NT5DC3: variants seen among roughly 807,000 people sequenced by gnomAD.
The protein encoded by NT5DC3 is 5'-nucleotidase domain containing 3.
Under a neutral mutation model 67.8 loss-of-function variants are expected in NT5DC3, and 42 were observed. That is an observed-to-expected ratio of 0.62 (90% CI 0.48 to 0.80). The LOEUF is 0.80. Among genes scored for constraint, NT5DC3 ranks in the 30% least tolerant of loss-of-function variants. NT5DC3 has a pLI of 0.00. For synonymous variants in NT5DC3, 237 were observed against 255.6 expected, an observed-to-expected ratio of 0.93 and a Z score of 0.69; for missense variants, 570 against 696.4, an observed-to-expected ratio of 0.82 and a Z score of 2.04.
At chr12:103,816,612 G>A (rs747721951) in intron 1 of NT5DC3, among the ~76,000 whole-genome samples, 4 of 152,010 alleles carry the variant, frequency 2.6e-5, no homozygotes, top group Non-Finnish European at 5.9e-5. Flanking sequence ...TTTTTTCTTG[G>A]AAGCCTTTCA....
chr12:103,746,837 G>A, the NT5DC3 span: 1 of 790,826 alleles, frequency 1.3e-6, no homozygotes, highest in Non-Finnish European at 2.1e-6. Context: ...CCCTCTCTAT[G>A]ACTCAGTTTC....
At chr12:103,814,811 C>A in intron 2 of NT5DC3, 126 bp downstream of exon 2, 1 of 647,784 alleles carries the variant, frequency 1.5e-6, no homozygotes, top group East Asian at 2.9e-5. Flanking sequence ...GGAACAAAAT[C>A]TACTTATTCA....
the NT5DC3 span, among the ~76,000 whole-genome samples, chr12:103,756,865 C>A: frequency 0.019 from 2,860 of 151,968 alleles, 99 homozygotes; most frequent in African/African-American, 0.065. Flanking sequence ...GAGATGAACA[C>A]CCACACTAAT....
chr12:103,814,606 T>C (rs576223498), intron 2 of NT5DC3, among the ~76,000 whole-genome samples: 1 of 152,240 alleles, frequency 6.6e-6, no homozygotes, highest in Non-Finnish European at 1.5e-5. Context: ...GAATTCCTCC[T>C]AACCAGAATT....
chr12:103,783,979 G>T (rs7311554), intron 12 of NT5DC3, among the ~76,000 whole-genome samples: 2,241 of 152,126 alleles, frequency 0.015, 52 homozygotes, highest in African/African-American at 0.051. Flanking sequence ...ATGGACTTGG[G>T]GACTTGGTTC....
chr12:103,759,079 A>G, the NT5DC3 span: 1 of 1,613,680 alleles, frequency 6.2e-7, no homozygotes, highest in African/African-American at 1.3e-5. Flanking sequence ...CATTAAAAAG[A>G]CAAAATATTG....
chr12:103,832,542 C>T (rs1887977820), intron 1 of NT5DC3, among the ~76,000 whole-genome samples: 1 of 152,030 alleles, frequency 6.6e-6, no homozygotes, highest in Non-Finnish European at 1.5e-5. Context: ...CCTTTCACTT[C>T]CTCTTTACCC....
chr12:103,757,823 G>C, the NT5DC3 span: 9 of 262,652 alleles, frequency 3.4e-5, no homozygotes, highest in Non-Finnish European at 6.8e-5. Context: ...TTTGGGCCTC[G>C]TGAGCTGTTA....
In NT5DC3 at chr12:103,788,898, C is replaced by G. The variant is rs1475421444; in HGVS notation, c.1041G>C (p.Glu347Asp). Residue 347 changes from glutamate (E) to aspartate (D), a missense_variant, in exon 10 of 14, where the codon GAG (glutamate) becomes GAC (aspartate). Glu to Asp is a conservative substitution (Grantham distance 45). Around this residue, in one of 2 missense-constraint regions of NT5DC3, gnomAD observed 466 missense variants for 608.0 expected, o/e 0.77. Coordinates refer to ENST00000392876, the MANE Select transcript of NT5DC3 (RefSeq NM_001031701.3). ...DKRRPFRKMNEKGVLLWDKIH... is the reference protein window; with the variant it reads ...DKRRPFRKMNDKGVLLWDKIH... Reference sequence around the variant, plus strand: ...TTTTATCCCAGAGTAAGACACCTTTCTCATTCATCTTTCGGAAAGGCCTAA... The same window carrying G: ...TTTTATCCCAGAGTAAGACACCTTTGTCATTCATCTTTCGGAAAGGCCTAA... 1 of 1,613,004 alleles carries G rather than the reference C, an allele frequency of 6.2e-7. No homozygotes were observed. The highest frequency in any genetic ancestry group is 1.3e-5 in the African/African-American group (1 of 74,996).
At chr12:103,759,071 T>C in the NT5DC3 span, 2 of 1,613,314 alleles carry the variant, frequency 1.2e-6, no homozygotes, top group Non-Finnish European at 8.5e-7. Context: ...ATCCCCATCA[T>C]TAAAAAGACA....
intron 1 of NT5DC3, among the ~76,000 whole-genome samples, chr12:103,833,717 A>G (rs1888026448): frequency 8.3e-6 from 1 of 119,806 alleles, no homozygotes; most frequent in Admixed American, 8.1e-5. Context: ...ATTAATTCTA[A>G]TGAAAAAAAA....
rs3751205 is a variant in NT5DC3, at chr12:103,777,493, C to G, written c.*336G>C. On this transcript the variant is annotated 3_prime_UTR_variant, in exon 14 of 14. Coordinates refer to ENST00000392876, the MANE Select transcript of NT5DC3 (RefSeq NM_001031701.3). The stretch of plus-strand genomic sequence containing the variant: ...AATGTTCCATGGAGGAGTCAAGAAC[C>G]GTTTCAAGCTTGACCTGCTAGAATA... 0.48 allele frequency: 134,805 copies of G among 278,274 alleles called. 35,274 individuals carry two copies. The highest frequency in any genetic ancestry group is 0.88 in the East Asian group (12,194 of 13,934). 17.2% of individuals were successfully genotyped at this position (278,274 alleles called of 1,614,324 possible). A position where few individuals can be genotyped will look rare whatever the true frequency, so the allele number is the denominator to read the frequency against.
At chr12:103,797,111 G>A (rs1053314296) in intron 5 of NT5DC3, 80 bp from the exon 6 acceptor site, 3 of 1,499,338 alleles carry the variant, frequency 2.0e-6, no homozygotes, top group African/African-American at 1.4e-5. Context: ...GGAACAGCAG[G>A]AAGCCTTTTC....
intron 2 of NT5DC3, among the ~76,000 whole-genome samples, chr12:103,811,494 T>C (rs778280034): frequency 2.0e-5 from 3 of 151,918 alleles, no homozygotes; most frequent in African/African-American, 7.3e-5. Flanking sequence ...CCCAGGCTAA[T>C]CATAAGGAAA....
the NT5DC3 span, among the ~76,000 whole-genome samples, chr12:103,760,130 C>T: frequency 2.6e-5 from 4 of 152,296 alleles, no homozygotes; most frequent in African/African-American, 7.2e-5. Flanking sequence ...ACAGAAGGGG[C>T]ACTTTCTCAT....
At chr12:103,755,531 C>G in the NT5DC3 span, 133 of 1,607,644 alleles carry the variant, frequency 8.3e-5, no homozygotes, top group Non-Finnish European at 1.1e-4. Flanking sequence ...CTCAGCCTGG[C>G]CAGTCACTCC....
chr12:103,819,614 A>G (rs1371617223), intron 1 of NT5DC3: 1 of 152,232 alleles, frequency 6.6e-6, no homozygotes, highest in Non-Finnish European at 1.5e-5. Flanking sequence ...TCCAGCACAC[A>G]GTGTGGCAAG....
downstream of NT5DC3, among the ~76,000 whole-genome samples, chr12:103,767,776 A>G (rs1332937159): frequency 6.6e-6 from 1 of 151,860 alleles, no homozygotes; most frequent in South Asian, 2.1e-4. Flanking sequence ...GCCAGGTGTT[A>G]GGCACAGTTA....
chr12:103,761,456 G>A, the NT5DC3 span: 1 of 1,543,554 alleles, frequency 6.5e-7, no homozygotes, highest in African/African-American at 1.4e-5. Flanking sequence ...GAGCCCCGGT[G>A]CCCACTCACC....
Sources: gnomAD v4.1 joint callset for allele counts (sites outside exome capture counted in the v4.1 genomes callset) on GRCh38, gnomAD v4.1.1 for gene constraint, gnomAD v4.1.1 regional missense constraint, MANE v1.5 for transcripts, NCBI Gene and HGNC (gene_info 2026-07-23, HGNC 2026-07-21) for gene names.